The following MYH10 variants were observed in gnomAD, a reference collection of about 807,000 sequenced individuals.
MYH10 encodes the protein myosin heavy chain 10, also known as myosin-10.
In MYH10, 55 loss-of-function variants were observed where a neutral mutation model predicts 257.8. The observed-to-expected ratio is 0.21, with a 90% CI of 0.17 to 0.27. The LOEUF (loss-of-function observed/expected upper bound fraction) is 0.27. Among genes scored for constraint, MYH10 ranks in the 10% least tolerant of loss-of-function variants. The pLI is 1.00. For synonymous variants in MYH10, 854 were observed against 921.7 expected, an observed-to-expected ratio of 0.93 and a Z score of 1.33; for missense variants, 1,631 against 2,500.6, an observed-to-expected ratio of 0.65 and a Z score of 7.42.
chr17:8,493,981 C>T, intron 31 of MYH10, 96 bp from the exon 32 acceptor site: 1 of 1,375,714 alleles, frequency 7.3e-7, no homozygotes, highest in Non-Finnish European at 9.8e-7. Context: ...AAAGAGACAG[C>T]CTCAATGCAT....
intron 7 of MYH10, among the ~76,000 whole-genome samples, chr17:8,561,915 C>G (rs2083010938): frequency 6.6e-6 from 1 of 152,058 alleles, no homozygotes; most frequent in African/African-American, 2.4e-5. Context: ...GCATGGAGAA[C>G]AATGATGAAG....
intron 9 of MYH10, among the ~76,000 whole-genome samples, chr17:8,551,156 AAAT>A (rs2082630984): frequency 6.9e-4 from 7 of 10,132 alleles, no homozygotes; most frequent in African/African-American, 1.7e-3. Flanking sequence ...AATAAATAAT[AAAT>A]TTAAAAAAAA....
chr17:8,548,128 A>ACCCTGTC, intron 11 of MYH10, among the ~76,000 whole-genome samples, 185 bp downstream of exon 11: 1 of 151,702 alleles, frequency 6.6e-6, no homozygotes, highest in East Asian at 1.9e-4. Context: ...TTCATCCTAC[A>ACCCTGTC]CCCTGTCCCC....
intron 7 of MYH10, among the ~76,000 whole-genome samples, chr17:8,558,726 A>C (rs1160477381): frequency 6.6e-6 from 1 of 152,244 alleles, no homozygotes; most frequent in Non-Finnish European, 1.5e-5. Context: ...TTGAATATAC[A>C]AAATTCTGAT....
chr17:8,616,021 C>T (rs879450144), intron 2 of MYH10, among the ~76,000 whole-genome samples: 13 of 152,200 alleles, frequency 8.5e-5, no homozygotes, highest in African/African-American at 1.4e-4. Context: ...TGGTGGCTCA[C>T]GCCTATAATC....
chr17:8,578,243 C>CTT (rs5819199), intron 4 of MYH10, among the ~76,000 whole-genome samples: 3,593 of 129,160 alleles, frequency 0.028, 123 homozygotes, highest in African/African-American at 0.065. Flanking sequence ...TTCTTTCTTT[C>CTT]TTTTTTTTTT....
At chr17:8,483,137 TAATAG>T (rs1914140253) in intron 37 of MYH10, among the ~76,000 whole-genome samples, 1 of 152,142 alleles carries the variant, frequency 6.6e-6, no homozygotes, top group Non-Finnish European at 1.5e-5. Flanking sequence ...GAAGAAACCA[TAATAG>T]AAATTAGAAA....
At position 8,477,771 on chromosome 17, in the gene MYH10, CAGGCAGA is replaced by C. The variant is rs1912928158; in HGVS notation, c.5706+560_5706+566del. On this transcript the variant is annotated intron_variant, in intron 41 of 42. Transcript: ENST00000360416. This position sits in a 1 kb window ranked among gnomAD's most constrained non-coding sequence, Gnocchi z 4.2. ...CAGTGTCTGCAGTGTGAAGTCTCAC[CAGGCAGA>C]GGGCAGGGAGCGGGAGGGAGGGTAT... 6.6e-6 allele frequency among the ~76,000 whole-genome samples: 1 copy of C among 152,178 alleles called. No individual in the cohort carries two copies. Among genetic ancestry groups the C allele is most frequent in the African/African-American group, 2.4e-5 (1 of 41,442 alleles).
chr17:8,513,832 G>A lies in MYH10; in HGVS notation c.2567C>T (p.Ala856Val), dbSNP rs1358481726. Reference protein sequence around the residue: ...ALKVLQRNCAAYLKLRHWQWW... With the variant: ...ALKVLQRNCAVYLKLRHWQWW... ...CTGCCAGTGCCGTAATTTCAGGTAC[G>A]CGGCACAGTTCCGCTGCAAGACCTT... Residue 856 changes from alanine to valine, a missense_variant, in exon 22 of 43, where the codon GCG becomes GTG. By Grantham distance (64) the Ala-to-Val change is moderately conservative. Coordinates refer to ENST00000360416, the MANE Select transcript of MYH10 (RefSeq NM_001256012.3). 4.3e-6 allele frequency: 7 copies of A among 1,614,170 alleles called. No homozygotes were observed. The highest frequency in any genetic ancestry group is 5.9e-6 in the Non-Finnish European group (7 of 1,180,020).
At chr17:8,486,092 G>A (rs1344045096) in intron 36 of MYH10, among the ~76,000 whole-genome samples, 1 of 152,192 alleles carries the variant, frequency 6.6e-6, no homozygotes, top group African/African-American at 2.4e-5. Context: ...CATATTGTAT[G>A]ATTCCACTGA....
rs907200785 is a variant in MYH10, at chr17:8,517,849, T to C, written c.2504+782A>G. Among the ~76,000 whole-genome samples the C allele has an allele frequency of 3.9e-4, 60 of 152,192 alleles. 1 individual carries two copies. Among genetic ancestry groups the C allele is most frequent in the African/African-American group, 1.4e-3 (58 of 41,460 alleles). ...CCATCCTGCTCCAGCCACACTGGAC[T>C]GTGTCACCTTCTCAAATGCTGCCAG... is the stretch of plus-strand genomic sequence containing the variant. On this transcript the variant is annotated intron_variant, in intron 21 of 42. Coordinates refer to ENST00000360416, the MANE Select transcript of MYH10 (RefSeq NM_001256012.3).
chr17:8,582,470 G>C (rs1597889190), intron 4 of MYH10, among the ~76,000 whole-genome samples: 2 of 152,318 alleles, frequency 1.3e-5, no homozygotes, highest in Non-Finnish European at 1.5e-5. Context: ...ATGGTTAAGG[G>C]GAAAGGCTGC....
chr17:8,543,392 C>T (rs16957398), intron 13 of MYH10, among the ~76,000 whole-genome samples: 1,919 of 151,896 alleles, frequency 0.013, 34 homozygotes, highest in African/African-American at 0.044. Flanking sequence ...CCGGATTCTG[C>T]TTATTCATGT....
In MYH10 at chr17:8,492,465, C is replaced by T. The variant is rs2270742; in HGVS notation, c.4503G>A (p.Glu1501=). ...TGGCCTCGGCTTCGGCCCGGTCCCG[C>T]TCTTCGGCATAGCGAGCAGAGATGC... The part of the protein sequence containing the change: ...EKSISARYAE[E]RDRAEAEARE... Residue 1501 remains glutamate (E), a synonymous_variant, in exon 34 of 43, where the codon GAG becomes GAA. Coordinates refer to ENST00000360416, the MANE Select transcript of MYH10 (RefSeq NM_001256012.3). 69 of 1,612,594 alleles carry T rather than the reference C, an allele frequency of 4.3e-5. No homozygotes were observed. The East Asian group carries it at 1.3e-3, about 30-fold the overall frequency.
chr17:8,521,513 C>A (rs1257261004), intron 17 of MYH10: 1 of 539,594 alleles, frequency 1.9e-6, no homozygotes, highest in East Asian at 2.9e-5. Context: ...CACCAACACA[C>A]ACCAGCAGAT....
rs180888595 is a variant in MYH10, at chr17:8,503,216, G to A, written c.3599+1478C>T. ...GAAAATCGTTTGAACCCGGGAGGCG[G>A]AGGTTGCAGTGAGCCGAGATCGCAC... On this transcript the variant is annotated intron_variant, in intron 28 of 42. Transcript: ENST00000360416. Among the ~76,000 whole-genome samples, 1,026 of 152,294 alleles carry A rather than the reference G, an allele frequency of 6.7e-3. 4 individuals are homozygous for A. The highest frequency in any genetic ancestry group is 0.011 in the Non-Finnish European group (775 of 68,026).
intron 9 of MYH10, among the ~76,000 whole-genome samples, chr17:8,550,187 C>T (rs959445930): frequency 1.2e-4 from 18 of 150,796 alleles, no homozygotes; most frequent in Non-Finnish European, 2.2e-4. Context: ...CCTGGCTGCC[C>T]AGTCTGGAAA....
chr17:8,480,054 G>T, intron 40 of MYH10, 56 bp downstream of exon 40: 1 of 1,574,002 alleles, frequency 6.4e-7, no homozygotes. Flanking sequence ...TGCCTGTTTT[G>T]TCTCTGACTG....
intron 27 of MYH10, among the ~76,000 whole-genome samples, chr17:8,505,163 G>A (rs1162976457): frequency 6.6e-6 from 1 of 152,142 alleles, no homozygotes; most frequent in African/African-American, 2.4e-5. Context: ...CTTTCCAAAC[G>A]ACCATGCTTC....
Sources: allele counts gnomAD v4.1 joint callset (sites outside exome capture counted in the v4.1 genomes callset), GRCh38; gene constraint gnomAD v4.1.1; non-coding constraint Gnocchi (gnomAD v3.1); transcripts MANE v1.5; gene names NCBI Gene and HGNC (gene_info 2026-07-23, HGNC 2026-07-21).